Variants in CEP70 observed in about 807,000 individuals in gnomAD.
CEP70 encodes centrosomal protein 70.
CEP70 carries 70 observed loss-of-function variants against 90.9 expected under a neutral mutation model. The ratio of observed to expected loss-of-function variants is 0.77; its 90% confidence interval spans 0.64 to 0.94. CEP70 has a LOEUF of 0.94. Among genes scored for constraint, CEP70 ranks in the 40% least tolerant of loss-of-function variants. CEP70 has a pLI of 0.00. For synonymous variants in CEP70, 220 were observed against 228.3 expected, an observed-to-expected ratio of 0.96 and a Z score of 0.33; for missense variants, 648 against 669.0, an observed-to-expected ratio of 0.97 and a Z score of 0.35.
intron 2 of CEP70, among the ~76,000 whole-genome samples, chr3:138,588,706 T>G (rs1030906665): frequency 3.3e-5 from 5 of 152,196 alleles, no homozygotes; most frequent in African/African-American, 1.2e-4. Context: ...GCACTTACCA[T>G]AAGACCCAGT....
rs1576989606 is a variant in CEP70, at chr3:138,594,259, A to T, written c.-170T>A. The stretch of plus-strand genomic sequence containing the variant: ...GGGCCAGGTTAGGCTGGGATCAGCT[A>T]CGTCAGGCCCCGCCTCCGCGACCGT... On this transcript the variant is annotated 5_prime_UTR_variant, in exon 1 of 18. Transcript: ENST00000264982. 6.6e-6 allele frequency: 1 copy of T among 152,412 alleles called. No individual in the cohort carries two copies. Among genetic ancestry groups the T allele is most frequent in the Non-Finnish European group, 1.5e-5 (1 of 68,200 alleles). 9.4% of individuals were successfully genotyped at this position (152,412 alleles called of 1,614,324 possible).
intron 6 of CEP70, among the ~76,000 whole-genome samples, chr3:138,558,106 T>C (rs1251082309): frequency 1.3e-5 from 2 of 152,350 alleles, no homozygotes; most frequent in East Asian, 3.9e-4. Flanking sequence ...GGCTCATGCC[T>C]GTAATCCCAG....
chr3:138,517,857 C>G (rs1394502385), intron 11 of CEP70, among the ~76,000 whole-genome samples: 1 of 152,172 alleles, frequency 6.6e-6, no homozygotes, highest in Admixed American at 6.5e-5. Flanking sequence ...GTGCAGCGCA[C>G]CGAGCGTGAG....
At chr3:138,565,084 TC>T (rs1384077505) in intron 6 of CEP70, among the ~76,000 whole-genome samples, 1 of 152,054 alleles carries the variant, frequency 6.6e-6, no homozygotes, top group Non-Finnish European at 1.5e-5. Flanking sequence ...ATGAGTGAAC[TC>T]CCATTCACAA....
chr3:138,509,011 G>A (rs574543069), intron 11 of CEP70, among the ~76,000 whole-genome samples: 27 of 152,142 alleles, frequency 1.8e-4, no homozygotes, highest in Non-Finnish European at 3.2e-4. Flanking sequence ...GGGATTACAG[G>A]CGTGAGCCAC....
At chr3:138,521,846 G>C (rs1440345473) in intron 11 of CEP70, among the ~76,000 whole-genome samples, 1 of 152,194 alleles carries the variant, frequency 6.6e-6, no homozygotes, top group African/African-American at 2.4e-5. Context: ...AATAGAAAAG[G>C]GGGAAATGTG....
chr3:138,590,701 C>T (rs1306835830), intron 2 of CEP70, among the ~76,000 whole-genome samples: 1 of 151,062 alleles, frequency 6.6e-6, no homozygotes, highest in East Asian at 1.9e-4. Flanking sequence ...ATCCCAGCTA[C>T]TTAGGAGGCT....
At chr3:138,553,459 G>A (rs1018832143) in intron 6 of CEP70, among the ~76,000 whole-genome samples, 15 of 150,078 alleles carry the variant, frequency 1.0e-4, no homozygotes, top group Admixed American at 9.4e-4. Flanking sequence ...CAGCCTTGGC[G>A]ACAGAGAGAG....
chr3:138,505,579 T>C (rs2034912195), intron 12 of CEP70, 114 bp from the exon 13 acceptor site: 6 of 571,348 alleles, frequency 1.1e-5, no homozygotes, highest in Non-Finnish European at 1.6e-5. Flanking sequence ...TTTCATTAAA[T>C]ATACAAAGAA....
chr3:138,558,625 G>A (rs1426604351), intron 6 of CEP70, among the ~76,000 whole-genome samples: 1 of 152,194 alleles, frequency 6.6e-6, no homozygotes, highest in African/African-American at 2.4e-5. Context: ...CTTTGGGACT[G>A]AGGTATATTT....
intron 6 of CEP70, among the ~76,000 whole-genome samples, chr3:138,541,573 GAGA>G (rs2107850082): frequency 6.6e-6 from 1 of 152,288 alleles, no homozygotes; most frequent in Admixed American, 6.5e-5. Context: ...CACTATGAAA[GAGA>G]AGGACACCAC....
chr3:138,509,744 G>T (rs1032844520), intron 11 of CEP70, among the ~76,000 whole-genome samples: 2 of 151,580 alleles, frequency 1.3e-5, no homozygotes, highest in African/African-American at 4.9e-5. Context: ...ATCTCATGCT[G>T]TCCCACTCCA....
In CEP70 at chr3:138,500,766, G is replaced by T; in HGVS notation, c.1337C>A (p.Thr446Asn). ...CTTATTTTCAACTTCTTCCAGCATA[G>T]TATCTACTATAAACAACAAATCTTC... ...KVEDLLFIVD[T>N]MLEEVENKEK... The change falls in exon 14 of 18, where the codon ACT becomes AAT. Residue 446 changes from threonine (T) to asparagine (N), a missense_variant. Physicochemically the swap from Thr to Asn is moderately conservative, Grantham distance 65. Coordinates refer to ENST00000264982, the MANE Select transcript of CEP70 (RefSeq NM_024491.4). 1 of 1,602,398 alleles carries T rather than the reference G, an allele frequency of 6.2e-7. No homozygotes were observed. The highest frequency in any genetic ancestry group is 2.2e-5 in the East Asian group (1 of 44,526).
At chr3:138,521,828 T>C (rs528518150) in intron 11 of CEP70, among the ~76,000 whole-genome samples, 2 of 152,104 alleles carry the variant, frequency 1.3e-5, no homozygotes, top group East Asian at 3.9e-4. Flanking sequence ...ACGATGGCGG[T>C]TTTGTCAAAT....
In CEP70 at chr3:138,529,438, C is replaced by T. The variant is rs1362481751; in HGVS notation, c.717G>A (p.Gln239=). 3 of 1,609,392 alleles carry T rather than the reference C, an allele frequency of 1.9e-6. No homozygotes were observed. The highest frequency in any genetic ancestry group is 8.5e-7 in the Non-Finnish European group (1 of 1,177,308). Residue 239 remains glutamine (Q), a synonymous_variant, in exon 9 of 18, where the codon CAG becomes CAA. Transcript: ENST00000264982. The stretch of plus-strand genomic sequence containing the variant: ...TTCTGTAGTCGTTTTCTTCTTCTGA[C>T]TGACTTTCATCTTCTTTATATTGCC... ...TQRQYKEDES[Q]SEEENDYRNL...
intron 17 of CEP70, chr3:138,497,810 T>C (rs1021212026): frequency 4.5e-5 from 44 of 985,286 alleles, no homozygotes; most frequent in Non-Finnish European, 4.8e-5. Flanking sequence ...GATAAGGTCC[T>C]CCAACAAAGG....
rs775491969 is a variant in CEP70 at position 138,571,098 on chromosome 3, C to T, written c.220G>A (p.Val74Met). The change falls in exon 5 of 18, where the codon GTG becomes ATG. Residue 74 changes from valine (V) to methionine (M), a missense_variant. Val to Met is a conservative substitution (Grantham distance 21). Coordinates refer to ENST00000264982, the MANE Select transcript of CEP70 (RefSeq NM_024491.4). ...TTCTGTTGACATGATGTTTCTTCCA[C>T]CAACAATTTCAAATTCTGTCTCATC... Reference protein sequence around the residue: ...QRMRQNLKLLVEETSCQQNMI... With the variant: ...QRMRQNLKLLMEETSCQQNMI... The T allele has an allele frequency of 6.2e-7, 1 of 1,605,778 alleles. No homozygotes were observed. The highest frequency in any genetic ancestry group is 1.3e-5 in the African/African-American group (1 of 74,768).
At chr3:138,522,517 C>T (rs543690188) in intron 11 of CEP70, among the ~76,000 whole-genome samples, 128 of 152,030 alleles carry the variant, frequency 8.4e-4, no homozygotes, top group African/African-American at 2.6e-3. Flanking sequence ...ATCAAATAGA[C>T]GCAACAAAAA....
rs188476517 is a variant in CEP70 at position 138,569,737 on chromosome 3, A to G, written c.465+581T>C. On this transcript the variant is annotated intron_variant, in intron 6 of 17. Transcript: ENST00000264982. ...ATAAAAATTAGCCAGGCGTGGTGGC[A>G]TGCGCCTGTAGTCCCAGCTACTCCA... Among the ~76,000 whole-genome samples the G allele has an allele frequency of 4.3e-4, 65 of 152,248 alleles. 1 individual carries two copies. In the East Asian group the frequency reaches 0.012, roughly 28 times the overall value.
Sources: allele counts gnomAD v4.1 joint callset (sites outside exome capture counted in the v4.1 genomes callset), GRCh38; gene constraint gnomAD v4.1.1; transcripts MANE v1.5; gene names NCBI Gene and HGNC (gene_info 2026-07-23, HGNC 2026-07-21).